Variants in GNPAT observed in about 807,000 individuals in gnomAD.
GNPAT encodes dihydroxyacetone phosphate acyltransferase.
Under a neutral mutation model 78.4 loss-of-function variants are expected in GNPAT, and 30 were observed. That is an observed-to-expected ratio of 0.38 (90% CI 0.29 to 0.52). GNPAT has a LOEUF of 0.52. GNPAT is among the 20% of genes least tolerant of loss of function. GNPAT has a pLI of 0.84. For missense variants in GNPAT, 714 were observed against 812.2 expected (o/e 0.88, Z 1.47); for synonymous variants, 271 against 281.1 (o/e 0.96, Z 0.36).
intron 1 of GNPAT, among the ~76,000 whole-genome samples, chr1:231,247,588 A>T (rs927878431): frequency 9.2e-5 from 14 of 152,186 alleles, no homozygotes; most frequent in African/African-American, 3.4e-4. Context: ...AACAGTGCGG[A>T]AGGAGCATTT....
chr1:231,250,861 A>G (rs1684876479), intron 1 of GNPAT, 100 bp from the exon 2 acceptor site: 1 of 779,194 alleles, frequency 1.3e-6, no homozygotes. Context: ...CACGTCATAG[A>G]GTAATATTTT....
chr1:231,252,383 T>A (rs1300588422), intron 2 of GNPAT, among the ~76,000 whole-genome samples: 1 of 152,214 alleles, frequency 6.6e-6, no homozygotes, highest in African/African-American at 2.4e-5. Context: ...ACTTAAGTTC[T>A]GTTATAGCTG....
At chr1:231,277,365 A>C (rs1033398146) in intron 15 of GNPAT, 134 bp from the exon 16 acceptor site, 38 of 697,300 alleles carry the variant, frequency 5.4e-5, no homozygotes, top group Admixed American at 8.4e-5. Context: ...TGGCGTCCCC[A>C]TGGGTACTGG....
chr1:231,267,927 T>C (rs749778797), intron 9 of GNPAT, 24 bp downstream of exon 9: 2 of 1,319,630 alleles, frequency 1.5e-6, no homozygotes, highest in Non-Finnish European at 2.2e-6. Context: ...ACATATGTGT[T>C]GAGAATGCTT....
chr1:231,247,260 G>A (rs1189208676), intron 1 of GNPAT, among the ~76,000 whole-genome samples: 1 of 152,038 alleles, frequency 6.6e-6, no homozygotes, highest in Non-Finnish European at 1.5e-5. Flanking sequence ...TCATCGATAG[G>A]GTTCAAAAAG....
chr1:231,262,883 T>C, intron 4 of GNPAT, 31 bp downstream of exon 4: 1 of 1,579,236 alleles, frequency 6.3e-7, no homozygotes, highest in Non-Finnish European at 8.7e-7. Flanking sequence ...TTTTTAACTG[T>C]AAAAATTAAA....
At chr1:231,262,137 A>G (rs1685238088) in intron 3 of GNPAT, among the ~76,000 whole-genome samples, 1 of 152,218 alleles carries the variant, frequency 6.6e-6, no homozygotes, top group African/African-American at 2.4e-5. Context: ...CAGCCACATG[A>G]CACCCATTCA....
chr1:231,253,341 A>G (rs1684953419), intron 2 of GNPAT, among the ~76,000 whole-genome samples: 1 of 152,146 alleles, frequency 6.6e-6, no homozygotes, highest in Non-Finnish European at 1.5e-5. Flanking sequence ...AAGTTATACC[A>G]TATTTGTTCT....
In GNPAT at chr1:231,274,077, C is replaced by T. The variant is rs1161575226; in HGVS notation, c.1743+15C>T. The T allele has an allele frequency of 3.7e-6, 6 of 1,609,368 alleles. No homozygotes were observed. In the South Asian group the frequency reaches 6.6e-5, roughly 18 times the overall value. ...AAAGCTATCAGGTATGTAAATTTGG[C>T]AAGTTCTCCTTCATGCCCCCCATAT... On this transcript the variant is annotated intron_variant, in intron 12 of 15. Coordinates refer to ENST00000366647, the MANE Select transcript of GNPAT (RefSeq NM_014236.4).
At chr1:231,265,466 A>G (rs1203859040) in intron 5 of GNPAT, 46 bp downstream of exon 5, 1 of 1,498,064 alleles carries the variant, frequency 6.7e-7, no homozygotes. Context: ...TATTTTCTTC[A>G]CTGATGTTTG....
intron 1 of GNPAT, among the ~76,000 whole-genome samples, chr1:231,243,427 G>C (rs947514694): frequency 6.6e-6 from 1 of 152,078 alleles, no homozygotes; most frequent in African/African-American, 2.4e-5. Flanking sequence ...GGGCTCAAGC[G>C]ATTCTCCTGC....
chr1:231,258,178 T>A (rs1685120303), intron 2 of GNPAT: 1 of 152,402 alleles, frequency 6.6e-6, no homozygotes, highest in South Asian at 2.1e-4. Flanking sequence ...TCTGAGTAAC[T>A]GTTTCACCAA....
Position 231,246,714 on chromosome 1 carries a change from A to G in GNPAT, c.79-4247A>G, listed in dbSNP as rs538845700. 3.9e-5 allele frequency among the ~76,000 whole-genome samples: 6 copies of G among 152,392 alleles called. No individual in the cohort carries two copies. The South Asian group carries it at 1.2e-3, about 32-fold the overall frequency. ...TTAATGAGCAGGAACACTCAACCCTAGCTGCACATAGGAATCACTTGGAGT... is the reference window on the plus strand; with the variant it reads ...TTAATGAGCAGGAACACTCAACCCTGGCTGCACATAGGAATCACTTGGAGT... On this transcript the variant is annotated intron_variant, in intron 1 of 15. Coordinates refer to ENST00000366647, the MANE Select transcript of GNPAT (RefSeq NM_014236.4).
At chr1:231,256,081 T>G (rs1435129319) in intron 2 of GNPAT, among the ~76,000 whole-genome samples, 1 of 152,228 alleles carries the variant, frequency 6.6e-6, no homozygotes, top group African/African-American at 2.4e-5. Flanking sequence ...CTGGGCAGTT[T>G]TATTAATTGC....
intron 2 of GNPAT, among the ~76,000 whole-genome samples, chr1:231,253,069 T>C (rs867472332): frequency 1.8e-4 from 28 of 152,204 alleles, no homozygotes; most frequent in African/African-American, 6.7e-4. Context: ...CCCGGGTTCA[T>C]GCCATTCTCC....
At chr1:231,259,503 T>C (rs496904) in intron 2 of GNPAT, among the ~76,000 whole-genome samples, 151,828 of 152,110 alleles carry the variant, frequency 1, 75,774 homozygotes, top group East Asian at 1. Flanking sequence ...CAAAATTAGC[T>C]GGGCATGGTG....
chr1:231,276,054 A>G (rs2102828951), intron 14 of GNPAT, 81 bp from the exon 15 acceptor site: 1 of 726,596 alleles, frequency 1.4e-6, no homozygotes, highest in Admixed American at 2.1e-5. Flanking sequence ...TAGTCTTACA[A>G]TAGCTACGTC....
chr1:231,254,021 C>G (rs1340342296), intron 2 of GNPAT, among the ~76,000 whole-genome samples: 1 of 152,158 alleles, frequency 6.6e-6, no homozygotes, highest in Non-Finnish European at 1.5e-5. Flanking sequence ...TCATGTTGGC[C>G]AGGCTGGTCT....
rs777047397 is a variant in GNPAT at position 231,251,108 on chromosome 1, C to T, written c.226C>T (p.Leu76Phe). The change falls in exon 2 of 16, where the codon CTC becomes TTC. Residue 76 changes from leucine (L) to phenylalanine (F), a missense_variant. Leu to Phe is a conservative substitution (Grantham distance 22). Transcript: ENST00000366647. ...ACCAATTGATATTAAATGTAGTGTT[C>T]TCAATTCTGAGGAGATTCATTATGT... ...CKPIDIKCSV[L>F]NSEEIHYVIK... 9 of 1,594,484 alleles carry T rather than the reference C, an allele frequency of 5.6e-6. No individual in the cohort carries two copies. Among genetic ancestry groups the T allele is most frequent in the Admixed American group, 1.7e-5 (1 of 59,712 alleles).
Sources: allele counts gnomAD v4.1 joint callset (sites outside exome capture counted in the v4.1 genomes callset), GRCh38; gene constraint gnomAD v4.1.1; transcripts MANE v1.5; gene names NCBI Gene and HGNC (gene_info 2026-07-23, HGNC 2026-07-21).